SGCZ: variants seen among roughly 807,000 people sequenced by gnomAD.
SGCZ encodes the protein zeta-sarcoglycan.
Under a neutral mutation model 41.3 loss-of-function variants are expected in SGCZ, and 40 were observed. The ratio of observed to expected loss-of-function variants is 0.97; its 90% CI spans 0.75 to 1.26. SGCZ has a LOEUF of 1.26. SGCZ is among the 50% of genes most tolerant of loss of function. SGCZ has a pLI of 0.00. For missense variants in SGCZ, 552 were observed against 369.8 expected, an observed-to-expected ratio of 1.49 and a Z score of -4.04; for synonymous variants, 206 against 137.5, an observed-to-expected ratio of 1.50 and a Z score of -3.49.
At chr8:15,114,756 GT>G (rs1182595043) in intron 1 of SGCZ, among the ~76,000 whole-genome samples, 2,466 of 138,950 alleles carry the variant, frequency 0.018, 59 homozygotes, top group African/African-American at 0.058. Flanking sequence ...TTTTCTTTTT[GT>G]TTTTTTTTTT....
intron 1 of SGCZ, among the ~76,000 whole-genome samples, chr8:15,171,031 G>A (rs141588159): frequency 2.0e-5 from 3 of 152,158 alleles, no homozygotes; most frequent in African/African-American, 7.2e-5. Context: ...AAATTATGAG[G>A]CTATCTGCAA....
At chr8:15,055,509 A>C (rs1426116914) in intron 1 of SGCZ, among the ~76,000 whole-genome samples, 3 of 152,204 alleles carry the variant, frequency 2.0e-5, no homozygotes, top group Non-Finnish European at 4.4e-5. Flanking sequence ...TAGGCCCAAG[A>C]ATGTGGCTTG....
intron 2 of SGCZ, among the ~76,000 whole-genome samples, chr8:14,348,228 C>A (rs565640826): frequency 6.6e-6 from 1 of 152,058 alleles, no homozygotes; most frequent in Non-Finnish European, 1.5e-5. Context: ...CTGCATGTTT[C>A]CCATACCAAG....
At chr8:15,057,966 AT>A (rs1317717786) in intron 1 of SGCZ, among the ~76,000 whole-genome samples, 1 of 152,204 alleles carries the variant, frequency 6.6e-6, no homozygotes, top group Admixed American at 6.5e-5. Flanking sequence ...CTGAGCTTAC[AT>A]TCCGGTGCAG....
chr8:14,120,074 G>A (rs1802652202), intron 5 of SGCZ, among the ~76,000 whole-genome samples: 1 of 151,812 alleles, frequency 6.6e-6, no homozygotes, highest in Non-Finnish European at 1.5e-5. Context: ...ACACAAGAAA[G>A]AAAATTTAAA....
At chr8:14,615,569 G>C (rs150693354) in intron 1 of SGCZ, among the ~76,000 whole-genome samples, 124 of 152,230 alleles carry the variant, frequency 8.1e-4, no homozygotes, top group East Asian at 7.4e-3. Context: ...TGAAAACTTT[G>C]TACATTTCTT....
chr8:14,504,785 C>A (rs1307546891), intron 2 of SGCZ, among the ~76,000 whole-genome samples: 2 of 152,138 alleles, frequency 1.3e-5, no homozygotes, highest in East Asian at 3.9e-4. Context: ...TGTTTCCCCT[C>A]AGCTGAAACC....
At chr8:15,233,601 T>G (rs1031115921) in intron 1 of SGCZ, among the ~76,000 whole-genome samples, 1 of 152,054 alleles carries the variant, frequency 6.6e-6, no homozygotes, top group African/African-American at 2.4e-5. Flanking sequence ...AGATGAAATG[T>G]TGATTCAATT....
At chr8:14,536,448 C>T (rs768806321) in intron 2 of SGCZ, among the ~76,000 whole-genome samples, 15 of 151,704 alleles carry the variant, frequency 9.9e-5, no homozygotes, top group East Asian at 9.7e-4. Context: ...GTTATTTGAA[C>T]GAGATCTACT....
chr8:15,198,318 T>C (rs776497170), intron 1 of SGCZ, among the ~76,000 whole-genome samples: 7 of 151,948 alleles, frequency 4.6e-5, no homozygotes, highest in Non-Finnish European at 1.0e-4. Flanking sequence ...TCAAATTTTA[T>C]ATCTCAACAA....
At chr8:14,726,524 G>C (rs1397298) in intron 1 of SGCZ, among the ~76,000 whole-genome samples, 44,774 of 151,108 alleles carry the variant, frequency 0.3, 7,075 homozygotes, top group East Asian at 0.42. Context: ...TTATGATAGA[G>C]GCACAGTATT....
intron 1 of SGCZ, among the ~76,000 whole-genome samples, chr8:14,854,710 G>T (rs1425857519): frequency 6.6e-6 from 1 of 151,928 alleles, no homozygotes; most frequent in Non-Finnish European, 1.5e-5. Context: ...TTTCACTTTT[G>T]TTGGATTATT....
chr8:14,447,837 C>T (rs1196985361), intron 2 of SGCZ, among the ~76,000 whole-genome samples: 1 of 152,108 alleles, frequency 6.6e-6, no homozygotes, highest in African/African-American at 2.4e-5. Context: ...CCTTTACAGC[C>T]ATCTCTTTGA....
In SGCZ at chr8:14,311,851, A is replaced by G. The variant is rs1270350828; in HGVS notation, c.336+12252T>C. Among the ~76,000 whole-genome samples the G allele has an allele frequency of 2.0e-5, 3 of 152,304 alleles. No individual in the cohort carries two copies. In the East Asian group the frequency reaches 5.8e-4, roughly 29 times the overall value. ...AAAAAGTTTAAAAATGTCACTGGGC[A>G]CTTAATATATAAGAGGCAGTGTTGT... On this transcript the variant is annotated intron_variant, in intron 3 of 7. Coordinates refer to ENST00000382080, the MANE Select transcript of SGCZ (RefSeq NM_139167.4).
intron 2 of SGCZ, among the ~76,000 whole-genome samples, chr8:14,336,729 A>C (rs930613251): frequency 4.6e-5 from 7 of 152,158 alleles, no homozygotes; most frequent in African/African-American, 1.7e-4. Context: ...TCAGCTGCTT[A>C]CTGCCTACTG....
intron 2 of SGCZ, among the ~76,000 whole-genome samples, chr8:14,535,427 T>A (rs771306120): frequency 5.3e-5 from 8 of 151,832 alleles, no homozygotes; most frequent in Admixed American, 6.6e-5. Context: ...AAAGGTTACA[T>A]CTGGTAAAAG....
chr8:15,233,210 T>C (rs986637764), intron 1 of SGCZ, among the ~76,000 whole-genome samples: 1 of 151,798 alleles, frequency 6.6e-6, no homozygotes, highest in African/African-American at 2.4e-5. Flanking sequence ...GAGAGTACTA[T>C]TTTTCACTAT....
chr8:15,221,702 C>T (rs530165831), intron 1 of SGCZ, among the ~76,000 whole-genome samples: 3 of 152,164 alleles, frequency 2.0e-5, no homozygotes, highest in Non-Finnish European at 4.4e-5. Context: ...GAATAGTTGT[C>T]GACGACTCTG....
intron 1 of SGCZ, among the ~76,000 whole-genome samples, chr8:14,909,042 A>T (rs2130773545): frequency 6.6e-6 from 1 of 152,272 alleles, no homozygotes; most frequent in African/African-American, 2.4e-5. Context: ...TGATGAGTCA[A>T]TTTTTCCAAA....
Sources: allele counts gnomAD v4.1 joint callset (sites outside exome capture counted in the v4.1 genomes callset), GRCh38; gene constraint gnomAD v4.1.1; transcripts MANE v1.5; gene names NCBI Gene and HGNC (gene_info 2026-07-23, HGNC 2026-07-21).